The following IDE variants were observed in gnomAD, a reference collection of about 807,000 sequenced individuals.
IDE encodes the protein insulin-degrading enzyme.
A neutral mutation model predicts 133.2 loss-of-function variants in IDE; 58 were observed. The observed-to-expected ratio is 0.44, with a 90% CI of 0.35 to 0.54. IDE has a LOEUF of 0.54. Ranked by LOEUF, IDE falls within the 20% of genes least tolerant of loss-of-function variation. The pLI, the probability that IDE is intolerant of heterozygous loss-of-function variation, is 0.00. For missense variants in IDE, 981 were observed against 1,234.0 expected (o/e 0.79, Z 3.07); for synonymous variants, 396 against 421.3 (o/e 0.94, Z 0.73).
chr10:92,455,721 G>A, intron 23 of IDE, 78 bp from the exon 24 acceptor site: 1 of 842,112 alleles, frequency 1.2e-6, no homozygotes, highest in Non-Finnish European at 2.0e-6. Flanking sequence ...AACTAAACCA[G>A]ACTCAGTTAA....
chr10:92,485,103 CTT>C (rs1846891674), intron 13 of IDE, among the ~76,000 whole-genome samples: 1 of 139,340 alleles, frequency 7.2e-6, no homozygotes, highest in Admixed American at 7.4e-5. Context: ...TGGGTTGTTT[CTT>C]TTTCTTTCTT....
At chr10:92,572,700 T>C (rs1843843185) in intron 1 of IDE, among the ~76,000 whole-genome samples, 1 of 152,182 alleles carries the variant, frequency 6.6e-6, no homozygotes, top group Admixed American at 6.6e-5. Context: ...CTTGTGTCCT[T>C]CTAATTACCC....
intron 1 of IDE, among the ~76,000 whole-genome samples, chr10:92,551,587 A>G (rs1485408471): frequency 6.7e-6 from 1 of 149,658 alleles, no homozygotes; most frequent in African/African-American, 2.5e-5. Context: ...AAAAAAAAAG[A>G]AAAGAAATCA....
In IDE at chr10:92,557,461, G is replaced by A. The variant is rs528566956; in HGVS notation, c.98+16461C>T. Among the ~76,000 whole-genome samples the A allele has an allele frequency of 2.6e-5, 4 of 152,174 alleles. No homozygotes were observed. The South Asian group carries it at 8.3e-4, about 32-fold the overall frequency. ...TGAGGCAGGAGAATGGTGTGAACCT[G>A]AGAGGCGGAGCTTGCAGTAAGCCAA... On this transcript the variant is annotated intron_variant, in intron 1 of 24. Transcript: ENST00000265986.
At chr10:92,536,225 A>T (rs1204996747) in intron 2 of IDE, among the ~76,000 whole-genome samples, 1 of 151,056 alleles carries the variant, frequency 6.6e-6, no homozygotes, top group East Asian at 2.0e-4. Context: ...TCTACTAAAA[A>T]TACCCAAATT....
At chr10:92,522,115 A>G (rs1392011294) in intron 4 of IDE, among the ~76,000 whole-genome samples, 1 of 152,134 alleles carries the variant, frequency 6.6e-6, no homozygotes, top group African/African-American at 2.4e-5. Context: ...GAGGGAAGAG[A>G]GAAAAAAGTA....
intron 4 of IDE, among the ~76,000 whole-genome samples, chr10:92,530,922 C>CTTTATAATTTATAAA (rs1849887849): frequency 6.6e-6 from 1 of 152,042 alleles, no homozygotes; most frequent in Non-Finnish European, 1.5e-5. Flanking sequence ...ATAAAATAAG[C>CTTTATAATTTATAAA]ATGTTCTCAT....
chr10:92,476,489 T>A (rs1379379528), intron 15 of IDE, among the ~76,000 whole-genome samples: 3 of 151,888 alleles, frequency 2.0e-5, no homozygotes, highest in African/African-American at 4.8e-5. Context: ...CCATCTTTTT[T>A]AAAAAATATA....
intron 1 of IDE, among the ~76,000 whole-genome samples, chr10:92,543,350 C>A (rs1210964091): frequency 6.6e-6 from 1 of 152,060 alleles, no homozygotes; most frequent in African/African-American, 2.4e-5. Context: ...CCCAAGGATG[C>A]CTCAACATAT....
intron 9 of IDE, 40 bp downstream of exon 9, chr10:92,507,535 A>C (rs1261485593): frequency 3.9e-6 from 4 of 1,023,078 alleles, no homozygotes; most frequent in Non-Finnish European, 6.2e-6. Flanking sequence ...GCTCTTGAAA[A>C]ACAGATTCCT....
chr10:92,506,520 G>A lies in IDE; in HGVS notation c.1248C>T (p.Asp416=), dbSNP rs745815606. Residue 416 remains aspartate (D), a splice_region_variant and synonymous_variant, in exon 10 of 25, where the codon GAC becomes GAT. Transcript: ENST00000265986. ...PQEWVFQECK[D]LNAVAFRFKD... ...TAAACCTAAAAGCAACAGCATTCAA[G>A]TCCTAAAATAGAAAGTTAATCCAAT... 7.2e-6 allele frequency: 11 copies of A among 1,529,364 alleles called. No homozygotes were observed. Among genetic ancestry groups the A allele is most frequent in the Non-Finnish European group, 9.0e-6 (10 of 1,107,664 alleles). The allele number at this position is 1,529,364 out of a possible 1,614,324, so 94.7% of individuals were successfully genotyped here. A position where few individuals can be genotyped will look rare whatever the true frequency, so the allele number is the denominator to read the frequency against.
intron 9 of IDE, 107 bp downstream of exon 9, chr10:92,507,468 G>GA (rs1477949243): frequency 1.4e-6 from 1 of 728,142 alleles, no homozygotes; most frequent in Non-Finnish European, 2.4e-6. Context: ...CTTCAGTTAG[G>GA]AAAAAAACTT....
Position 92,454,366 on chromosome 10 carries a change from A to C in IDE, c.*78T>G, listed in dbSNP as rs1844881142. Reference sequence around the variant, plus strand: ...CTAATAGTGAATCAGAAACTATTAAAGTGGCCAAGATGATTTTCTTAGGCT... The same window carrying C: ...CTAATAGTGAATCAGAAACTATTAACGTGGCCAAGATGATTTTCTTAGGCT... On this transcript the variant is annotated 3_prime_UTR_variant, in exon 25 of 25. Coordinates refer to ENST00000265986, the MANE Select transcript of IDE (RefSeq NM_004969.4). The C allele has an allele frequency of 1.0e-6, 1 of 960,536 alleles. No homozygotes were observed. The highest frequency in any genetic ancestry group is 1.6e-5 in the African/African-American group (1 of 62,170). 59.5% of individuals were successfully genotyped at this position (960,536 alleles called of 1,614,324 possible).
At chr10:92,459,105 T>G (rs531906031) in intron 22 of IDE, among the ~76,000 whole-genome samples, 1 of 152,320 alleles carries the variant, frequency 6.6e-6, no homozygotes, top group South Asian at 2.1e-4. Flanking sequence ...AACTATAGTC[T>G]CCTTTTCTTA....
At chr10:92,546,004 C>T (rs531208429) in intron 1 of IDE, among the ~76,000 whole-genome samples, 1 of 152,222 alleles carries the variant, frequency 6.6e-6, no homozygotes, top group East Asian at 1.9e-4. Context: ...CAGAAATGAT[C>T]AAATGACAAT....
At chr10:92,477,642 G>A (rs1163781654) in intron 15 of IDE, among the ~76,000 whole-genome samples, 2 of 152,212 alleles carry the variant, frequency 1.3e-5, no homozygotes, top group Non-Finnish European at 2.9e-5. Flanking sequence ...AGGAGGGAAG[G>A]CCACTGGCCA....
At chr10:92,554,156 T>C (rs1842908178) in intron 1 of IDE, among the ~76,000 whole-genome samples, 1 of 152,188 alleles carries the variant, frequency 6.6e-6, no homozygotes. Context: ...ATCCCGGCAA[T>C]GCAAGGATGG....
In IDE at chr10:92,563,229, C is replaced by T. The variant is rs146853905; in HGVS notation, c.98+10693G>A. On this transcript the variant is annotated intron_variant, in intron 1 of 24. Coordinates refer to ENST00000265986, the MANE Select transcript of IDE (RefSeq NM_004969.4). ...CCACATCATTGCACTCCAGCCTGGG[C>T]AACAAGAGCAAAACTCCACCTCGGG... Among the ~76,000 whole-genome samples the T allele has an allele frequency of 1.3e-4, 19 of 151,646 alleles. No homozygotes were observed. The East Asian group carries it at 2.7e-3, about 22-fold the overall frequency.
chr10:92,566,415 A>T lies in IDE; in HGVS notation c.98+7507T>A, dbSNP rs1191385716. Among the ~76,000 whole-genome samples the T allele has an allele frequency of 2.0e-3, 298 of 149,364 alleles. 1 individual carries two copies. Among genetic ancestry groups the T allele is most frequent in the Non-Finnish European group, 3.4e-3 (230 of 66,968 alleles). On this transcript the variant is annotated intron_variant, in intron 1 of 24. Coordinates refer to ENST00000265986, the MANE Select transcript of IDE (RefSeq NM_004969.4). ...CTCTCTCTCTCTCTCTCTCTCTCTC[A>T]CACACACACACACACACACACACAA...
Sources: gnomAD v4.1 joint callset for allele counts (sites outside exome capture counted in the v4.1 genomes callset) on GRCh38, gnomAD v4.1.1 for gene constraint, MANE v1.5 for transcripts, NCBI Gene and HGNC (gene_info 2026-07-23, HGNC 2026-07-21) for gene names.